The following SH3RF3 variants were observed in gnomAD, a reference collection of about 807,000 sequenced individuals.
SH3RF3 encodes E3 ubiquitin-protein ligase SH3RF3.
Under a neutral mutation model 66.3 loss-of-function variants are expected in SH3RF3, and 29 were observed. That is an observed-to-expected ratio of 0.44 (90% CI 0.33 to 0.60). SH3RF3 has a LOEUF of 0.60. Among genes scored for constraint, SH3RF3 ranks in the 20% least tolerant of loss-of-function variants. The pLI, the probability that SH3RF3 is intolerant of heterozygous loss-of-function variation, is 0.04. For missense variants in SH3RF3, 1,194 were observed against 1,190.9 expected (o/e 1.00, Z -0.04); for synonymous variants, 583 against 532.0 (o/e 1.10, Z -1.32).
chr2:109,206,117 C>T (rs1678803576), intron 1 of SH3RF3, among the ~76,000 whole-genome samples: 1 of 152,124 alleles, frequency 6.6e-6, no homozygotes, highest in African/African-American at 2.4e-5. Flanking sequence ...CCCAAGCCAC[C>T]CCTCTCTCCC....
intron 1 of SH3RF3, among the ~76,000 whole-genome samples, chr2:109,219,742 A>G (rs1261731789): frequency 6.6e-6 from 1 of 152,256 alleles, no homozygotes; most frequent in Admixed American, 6.5e-5. Context: ...CAAAGAGGTG[A>G]AAGATTGGCA....
intron 2 of SH3RF3, among the ~76,000 whole-genome samples, chr2:109,353,806 C>T (rs1164648371): frequency 6.6e-6 from 1 of 152,160 alleles, no homozygotes; most frequent in Non-Finnish European, 1.5e-5. Context: ...TGTCCGTGTG[C>T]AGTGGGAGCT....
At chr2:109,192,648 A>G (rs1404921298) in intron 1 of SH3RF3, among the ~76,000 whole-genome samples, 1 of 152,218 alleles carries the variant, frequency 6.6e-6, no homozygotes, top group East Asian at 1.9e-4. Context: ...GGTAATGCAA[A>G]TAGGCCTTCC....
At chr2:109,340,689 T>A (rs1463848092) in intron 1 of SH3RF3, among the ~76,000 whole-genome samples, 1 of 152,190 alleles carries the variant, frequency 6.6e-6, no homozygotes, top group Non-Finnish European at 1.5e-5. Flanking sequence ...TCCTTTTTCA[T>A]TAAGAGACAC....
rs529963234 is a variant in SH3RF3 at position 109,154,907 on chromosome 2, C to G, written c.573+24794C>G. 2.0e-5 allele frequency among the ~76,000 whole-genome samples: 3 copies of G among 152,336 alleles called. No homozygotes were observed. In the South Asian group the frequency reaches 6.2e-4, roughly 32 times the overall value. ...GCGAGCTCCAGCTTCCTCAGGTGGC[C>G]TTTGGAGAGTGTTGGCTTTCCAAAT... is the stretch of plus-strand genomic sequence containing the variant. On this transcript the variant is annotated intron_variant, in intron 1 of 9. Coordinates refer to ENST00000309415, the MANE Select transcript of SH3RF3 (RefSeq NM_001099289.3).
At chr2:109,182,692 T>C (rs1268941069) in intron 1 of SH3RF3, among the ~76,000 whole-genome samples, 1 of 152,250 alleles carries the variant, frequency 6.6e-6, no homozygotes, top group Non-Finnish European at 1.5e-5. Flanking sequence ...GCTAGGCTGG[T>C]ATTTCCTTGA....
chr2:109,446,922 C>G (rs898810093), intron 7 of SH3RF3, among the ~76,000 whole-genome samples: 1 of 151,902 alleles, frequency 6.6e-6, no homozygotes, highest in East Asian at 1.9e-4. Context: ...GCTGTCACCC[C>G]CCTTCCAGGG....
intron 1 of SH3RF3, among the ~76,000 whole-genome samples, chr2:109,331,090 A>G (rs916902083): frequency 1.3e-5 from 2 of 152,218 alleles, no homozygotes; most frequent in African/African-American, 4.8e-5. Flanking sequence ...TCCTTCCAGC[A>G]TAGCAGAAGC....
intron 6 of SH3RF3, among the ~76,000 whole-genome samples, chr2:109,434,381 C>T (rs1677339246): frequency 2.0e-5 from 3 of 152,230 alleles, no homozygotes; most frequent in Admixed American, 6.5e-5. Context: ...CTGATTCTTC[C>T]TTTATCTTTA....
intron 1 of SH3RF3, among the ~76,000 whole-genome samples, chr2:109,335,997 G>A (rs1682411923): frequency 6.6e-6 from 1 of 152,168 alleles, no homozygotes; most frequent in South Asian, 2.1e-4. Context: ...AGACATTCGG[G>A]CTGATTTAAG....
At chr2:109,395,843 T>A (rs1676129479) in intron 3 of SH3RF3, among the ~76,000 whole-genome samples, 1 of 152,206 alleles carries the variant, frequency 6.6e-6, no homozygotes, top group Non-Finnish European at 1.5e-5. Flanking sequence ...CTTCTGGACT[T>A]GCATACAACA....
intron 1 of SH3RF3, among the ~76,000 whole-genome samples, chr2:109,210,179 A>T (rs1288106710): frequency 6.6e-6 from 1 of 152,198 alleles, no homozygotes; most frequent in Non-Finnish European, 1.5e-5. Context: ...GTATGGCTAG[A>T]CCACATTTTG....
At chr2:109,395,965 G>GA (rs1350979825) in intron 3 of SH3RF3, among the ~76,000 whole-genome samples, 3 of 152,220 alleles carry the variant, frequency 2.0e-5, no homozygotes, top group African/African-American at 7.2e-5. Flanking sequence ...GGGGAGAAGG[G>GA]AATCATTTGA....
At chr2:109,317,899 C>T (rs1422540547) in intron 1 of SH3RF3, among the ~76,000 whole-genome samples, 1 of 139,736 alleles carries the variant, frequency 7.2e-6, no homozygotes, top group Non-Finnish European at 1.6e-5. Flanking sequence ...ATGTATGTGG[C>T]CAGCAGCAGC....
At chr2:109,368,317 A>G (rs1001461738) in intron 2 of SH3RF3, among the ~76,000 whole-genome samples, 3 of 152,178 alleles carry the variant, frequency 2.0e-5, no homozygotes, top group Admixed American at 6.5e-5. Flanking sequence ...TTGTTATCAT[A>G]CCTTGAAATA....
At position 109,338,962 on chromosome 2, in the gene SH3RF3, A is replaced by G. The variant is rs1682492541; in HGVS notation, c.574-8712A>G. Among the ~76,000 whole-genome samples the G allele has an allele frequency of 4.6e-5, 7 of 152,238 alleles. No homozygotes were observed. In the South Asian group the frequency reaches 1.4e-3, roughly 32 times the overall value. ...ATATCTTGGGAGAACTATACATTAT[A>G]TACTGTGTTCTTAGAATAAAGCGAG... On this transcript the variant is annotated intron_variant, in intron 1 of 9. Coordinates refer to ENST00000309415, the MANE Select transcript of SH3RF3 (RefSeq NM_001099289.3).
chr2:109,417,579 A>G (rs1676759597), intron 4 of SH3RF3, among the ~76,000 whole-genome samples: 3 of 152,080 alleles, frequency 2.0e-5, no homozygotes, highest in Non-Finnish European at 2.9e-5. Context: ...GCCTCTGGAC[A>G]CCTGGCTCTC....
chr2:109,432,823 A>G (rs1267665072), intron 6 of SH3RF3, among the ~76,000 whole-genome samples, 152 bp downstream of exon 6: 1 of 152,236 alleles, frequency 6.6e-6, no homozygotes, highest in African/African-American at 2.4e-5. Context: ...TGGCGTCCCC[A>G]GGCCCACATT....
intron 1 of SH3RF3, among the ~76,000 whole-genome samples, chr2:109,226,800 T>G (rs373620933): frequency 3.9e-4 from 59 of 152,304 alleles, no homozygotes; most frequent in African/African-American, 1.3e-3. Flanking sequence ...TGTGGCTTAG[T>G]AAGAAGAACA....
Sources: gnomAD v4.1 joint callset for allele counts (sites outside exome capture counted in the v4.1 genomes callset) on GRCh38, gnomAD v4.1.1 for gene constraint, MANE v1.5 for transcripts, NCBI Gene and HGNC (gene_info 2026-07-23, HGNC 2026-07-21) for gene names.